The following TANC2 variants were observed in gnomAD, a reference collection of about 807,000 sequenced individuals.
The protein encoded by TANC2 is tetratricopeptide repeat, ankyrin repeat and coiled-coil containing 2, also known as protein TANC2.
Under a neutral mutation model 210.5 loss-of-function variants are expected in TANC2, and 26 were observed. The observed-to-expected ratio is 0.12, with a 90% CI of 0.09 to 0.17. The LOEUF (loss-of-function observed/expected upper bound fraction) is 0.17. TANC2 is among the 10% of genes least tolerant of loss of function. The pLI is 1.00. For missense variants in TANC2, 2,129 were observed against 2,608.9 expected (o/e 0.82, Z 4.01); for synonymous variants, 931 against 967.1 (o/e 0.96, Z 0.69).
exon 15 of TANC2, chr17:63,379,764 A>C: frequency 6.2e-7 from 1 of 1,613,254 alleles, no homozygotes; most frequent in Non-Finnish European, 8.5e-7. Flanking sequence ...CCAAGAGGGA[A>C]AACTAAACCG....
intron 14 of TANC2, among the ~76,000 whole-genome samples, chr17:63,375,392 A>G (rs554121196): frequency 8.5e-5 from 13 of 152,394 alleles, no homozygotes; most frequent in African/African-American, 2.2e-4. Context: ...AAATGCAGAC[A>G]TCTCACCAGC....
At chr17:63,097,874 T>C (rs1161559876) in intron 3 of TANC2, among the ~76,000 whole-genome samples, 1 of 152,180 alleles carries the variant, frequency 6.6e-6, no homozygotes, top group Non-Finnish European at 1.5e-5. Flanking sequence ...ATTCTTTGAC[T>C]CTCCATTCAT....
chr17:63,194,631 A>G (rs1021441643), intron 6 of TANC2, among the ~76,000 whole-genome samples: 3 of 152,142 alleles, frequency 2.0e-5, no homozygotes, highest in African/African-American at 4.8e-5. Flanking sequence ...TTTAAAACTA[A>G]TATTTCTTTT....
intron 9 of TANC2, among the ~76,000 whole-genome samples, chr17:63,272,926 G>A (rs1388629093): frequency 6.6e-6 from 1 of 152,098 alleles, no homozygotes; most frequent in Non-Finnish European, 1.5e-5. Flanking sequence ...GCAGAATCTT[G>A]TACTATTCTG....
intron 14 of TANC2, among the ~76,000 whole-genome samples, chr17:63,376,204 C>G (rs1054968713): frequency 6.6e-6 from 1 of 150,484 alleles, no homozygotes; most frequent in Non-Finnish European, 1.5e-5. Context: ...GAGGCCAAGG[C>G]GGGTGGATCA....
intron 3 of TANC2, among the ~76,000 whole-genome samples, chr17:63,098,953 A>G (rs1445001902): frequency 6.6e-6 from 1 of 152,158 alleles, no homozygotes; most frequent in African/African-American, 2.4e-5. Context: ...GAGATAGTGA[A>G]CACCTTATAA....
chr17:63,035,977 C>G (rs2144193177), intron 2 of TANC2, among the ~76,000 whole-genome samples: 1 of 152,246 alleles, frequency 6.6e-6, no homozygotes, highest in Non-Finnish European at 1.5e-5. Context: ...ATGTGCTTGT[C>G]TTCCGTGTAT....
intron 9 of TANC2, among the ~76,000 whole-genome samples, chr17:63,307,371 C>T (rs77315109): frequency 0.019 from 2,958 of 152,284 alleles, 56 homozygotes; most frequent in Non-Finnish European, 0.029. Flanking sequence ...TTACTCTTCT[C>T]ACCCTGCTGC....
intron 8 of TANC2, among the ~76,000 whole-genome samples, chr17:63,257,901 T>G (rs1018414770): frequency 2.6e-5 from 4 of 152,210 alleles, no homozygotes; most frequent in Admixed American, 6.5e-5. Context: ...ATATGAGTAG[T>G]TTATAAATCA....
intron 12 of TANC2, among the ~76,000 whole-genome samples, chr17:63,346,407 G>C (rs1292431497): frequency 1.3e-5 from 2 of 152,170 alleles, no homozygotes; most frequent in East Asian, 3.9e-4. Flanking sequence ...GATACATGTA[G>C]AATGCAAACA....
At chr17:63,345,619 C>CAAAAAAAAAAAA (rs752643075) in intron 12 of TANC2, among the ~76,000 whole-genome samples, 1 of 86,620 alleles carries the variant, frequency 1.2e-5, no homozygotes, top group African/African-American at 4.0e-5. Flanking sequence ...AATTCTGTCT[C>CAAAAAAAAAAAA]AAAAAAAAAA....
At chr17:63,379,959 C>G in intron 15 of TANC2, 133 bp downstream of exon 15, 2 of 668,924 alleles carry the variant, frequency 3.0e-6, no homozygotes, top group South Asian at 4.0e-5. Flanking sequence ...TCTCCCAACA[C>G]GTATGGCCTG....
intron 1 of TANC2, among the ~76,000 whole-genome samples, chr17:62,992,106 C>T (rs748023685): frequency 6.6e-5 from 10 of 152,140 alleles, no homozygotes; most frequent in Non-Finnish European, 1.5e-4. Context: ...GGAGGATGTG[C>T]ATAGGTTATG....
intron 9 of TANC2, among the ~76,000 whole-genome samples, chr17:63,279,944 G>A (rs2044010077): frequency 6.6e-6 from 1 of 152,054 alleles, no homozygotes; most frequent in Non-Finnish European, 1.5e-5. Flanking sequence ...AAAGATTATG[G>A]GGAAGTGGGG....
At chr17:63,083,419 G>C (rs983335810) in intron 3 of TANC2, among the ~76,000 whole-genome samples, 6 of 152,238 alleles carry the variant, frequency 3.9e-5, no homozygotes, top group Non-Finnish European at 7.3e-5. Context: ...CTGGGAACTG[G>C]GATGGAAGAA....
intron 7 of TANC2, among the ~76,000 whole-genome samples, chr17:63,231,238 G>A (rs1250495067): frequency 6.6e-6 from 1 of 151,896 alleles, no homozygotes; most frequent in Non-Finnish European, 1.5e-5. Flanking sequence ...CTTTTAATTG[G>A]GCCATTTAGT....
chr17:63,155,768 C>T (rs1018203081), intron 5 of TANC2, among the ~76,000 whole-genome samples: 12 of 152,122 alleles, frequency 7.9e-5, no homozygotes, highest in African/African-American at 2.9e-4. Context: ...ATATTTAAAA[C>T]TCAAAGAGAA....
rs75890054 is a variant in TANC2 at position 63,386,608 on chromosome 17, G to A, written c.2692-2027G>A. Among the ~76,000 whole-genome samples the A allele has an allele frequency of 5.5e-3, 842 of 152,136 alleles. 6 individuals are homozygous for A. Among genetic ancestry groups the A allele is most frequent in the African/African-American group, 0.018 (750 of 41,490 alleles). ...TTTTAAATTTTCCTTAATCAAAAAT[G>A]TTTAATAAAGTAAATTTTACGTTGT... On this transcript the variant is annotated intron_variant, in intron 15 of 27. Transcript: ENST00000689528.
chr17:63,185,161 C>CT (rs759191091), intron 5 of TANC2, among the ~76,000 whole-genome samples: 6 of 151,892 alleles, frequency 4.0e-5, no homozygotes, highest in Non-Finnish European at 8.8e-5. Flanking sequence ...GGCCTGGCTT[C>CT]TTTTTTAAAA....
Sources: allele counts gnomAD v4.1 joint callset (sites outside exome capture counted in the v4.1 genomes callset), GRCh38; gene constraint gnomAD v4.1.1; transcripts MANE v1.5; gene names NCBI Gene and HGNC (gene_info 2026-07-23, HGNC 2026-07-21).